TENM4: variants seen among roughly 807,000 people sequenced by gnomAD.
TENM4 encodes teneurin-4.
In TENM4, 82 loss-of-function variants were observed where a neutral mutation model predicts 243.3. That is an observed-to-expected ratio of 0.34 (90% CI 0.28 to 0.40). The LOEUF (loss-of-function observed/expected upper bound fraction) is 0.40, where lower values mean the gene tolerates loss of function less well. TENM4 is among the 10% of genes least tolerant of loss of function. TENM4 has a pLI of 1.00. For synonymous variants in TENM4, 1,412 were observed against 1,456.3 expected (o/e 0.97, Z 0.69); for missense variants, 3,138 against 3,673.3 (o/e 0.85, Z 3.77).
At chr11:78,937,425 T>C (rs1005352933) in intron 6 of TENM4, among the ~76,000 whole-genome samples, 1 of 152,206 alleles carries the variant, frequency 6.6e-6, no homozygotes, top group Non-Finnish European at 1.5e-5. Context: ...CTCTTCTGCT[T>C]AGACAATCAC....
intron 6 of TENM4, among the ~76,000 whole-genome samples, chr11:79,043,765 C>A (rs2572954): frequency 6.6e-6 from 1 of 152,054 alleles, no homozygotes; most frequent in Non-Finnish European, 1.5e-5. Flanking sequence ...ACATGAGATC[C>A]GGAGTCAAAA....
At chr11:79,381,266 T>C (rs1378817741) in intron 1 of TENM4, among the ~76,000 whole-genome samples, 1 of 146,692 alleles carries the variant, frequency 6.8e-6, no homozygotes, top group Non-Finnish European at 1.5e-5. Context: ...TCTAAACAAG[T>C]ACCCCCTCAG....
chr11:78,723,070 A>T (rs532921297), intron 23 of TENM4, among the ~76,000 whole-genome samples, 153 bp from the exon 24 acceptor site: 1 of 152,208 alleles, frequency 6.6e-6, no homozygotes, highest in African/African-American at 2.4e-5. Context: ...CACCCCCCCA[A>T]TGGAACCCAG....
intron 6 of TENM4, among the ~76,000 whole-genome samples, chr11:78,951,857 T>C (rs1357791714): frequency 6.6e-6 from 1 of 152,200 alleles, no homozygotes; most frequent in Non-Finnish European, 1.5e-5. Flanking sequence ...ATTCAGTCCA[T>C]AGGAGCCCTA....
intron 1 of TENM4, among the ~76,000 whole-genome samples, chr11:79,357,341 C>G (rs183982084): frequency 2.2e-4 from 34 of 152,350 alleles, no homozygotes; most frequent in Admixed American, 2.0e-3. Context: ...TGTCCTGAGG[C>G]CACTTTCATA....
chr11:79,310,528 G>C (rs726785), intron 1 of TENM4, among the ~76,000 whole-genome samples: 37,406 of 152,112 alleles, frequency 0.25, 4,777 homozygotes, highest in East Asian at 0.36. Context: ...ACCTATTTTA[G>C]AGGTGGCTGA....
chr11:78,669,629 T>C lies in TENM4; in HGVS notation c.6716A>G (p.Tyr2239Cys). 1 of 1,614,000 alleles carries C rather than the reference T, an allele frequency of 6.2e-7. No individual in the cohort carries two copies. The highest frequency in any genetic ancestry group is 8.5e-7 in the Non-Finnish European group (1 of 1,179,888). Residue 2239 changes from tyrosine to cysteine, a missense_variant, in exon 32 of 34, where the codon TAT becomes TGT. By Grantham distance (194) the Tyr-to-Cys change is radical. Around this residue, in one of 2 missense-constraint regions of TENM4, gnomAD observed 2,467 missense variants for 3,059.1 expected, o/e 0.81. Coordinates refer to ENST00000278550, the MANE Select transcript of TENM4 (RefSeq NM_001098816.3). The surrounding 1 kb of genome is among the most constrained non-coding windows in gnomAD (Gnocchi z 6.4). ...GNSARLTPLR[Y>C]DIRDRITRLG... ...CCGAGTGATGCGGTCGCGGATGTCA[T>C]ACCGTAGTGGTGTGAGCCGTGCACT... is the stretch of plus-strand genomic sequence containing the variant.
Position 78,669,148 on chromosome 11 carries a change from G to C in TENM4, c.7197C>G (p.Ile2399Met), listed in dbSNP as rs1465654923. 6 of 1,613,660 alleles carry C rather than the reference G, an allele frequency of 3.7e-6. No individual in the cohort carries two copies. The highest frequency in any genetic ancestry group is 2.7e-5 in the African/African-American group (2 of 74,892). ...CATAGAGGCCACCATGGTAGCCTATGATGATCTGAAAGTTGGGGTTGGTAT... is the reference window on the plus strand; with the variant it reads ...CATAGAGGCCACCATGGTAGCCTATCATGATCTGAAAGTTGGGGTTGGTAT... ...YMDTNPNFQIIIGYHGGLYDP... is the reference protein window; with the variant it reads ...YMDTNPNFQIMIGYHGGLYDP... Residue 2399 changes from isoleucine to methionine, a missense_variant, in exon 32 of 34, where the codon ATC becomes ATG. Coordinates refer to ENST00000278550, the MANE Select transcript of TENM4 (RefSeq NM_001098816.3). The surrounding 1 kb of genome is among the most constrained non-coding windows in gnomAD (Gnocchi z 6.4).
At chr11:79,191,299 G>A (rs1470668754) in intron 3 of TENM4, among the ~76,000 whole-genome samples, 1 of 141,354 alleles carries the variant, frequency 7.1e-6, no homozygotes, top group Non-Finnish European at 1.5e-5. Flanking sequence ...ACTGGTTTTC[G>A]TGTTTTTTTG....
chr11:78,995,091 C>G (rs574444912), intron 6 of TENM4, among the ~76,000 whole-genome samples: 3 of 152,258 alleles, frequency 2.0e-5, no homozygotes, highest in South Asian at 2.1e-4. Context: ...GGAAGTCTAG[C>G]CTCCTCTATG....
intron 16 of TENM4, among the ~76,000 whole-genome samples, chr11:78,780,546 A>G (rs1252883633): frequency 6.6e-6 from 1 of 151,982 alleles, no homozygotes; most frequent in Non-Finnish European, 1.5e-5. Flanking sequence ...CTGGGATCCA[A>G]GTGGTCATAG....
In TENM4 at chr11:79,111,461, T is replaced by C. The variant is rs959543521; in HGVS notation, c.-66+37249A>G. On this transcript the variant is annotated intron_variant, in intron 4 of 33. Transcript: ENST00000278550. ...TTGGGAGGCTGAGGCAGGAGAATGG[T>C]GTGAACCCGGGAGGTGGAGCTTGCA... is the stretch of plus-strand genomic sequence containing the variant. Among the ~76,000 whole-genome samples the C allele has an allele frequency of 3.5e-4, 53 of 151,934 alleles. 2 individuals carry two copies. Among genetic ancestry groups the C allele is most frequent in the Non-Finnish European group, 4.0e-4 (27 of 67,982 alleles).
chr11:79,358,811 G>T (rs553430659), intron 1 of TENM4, among the ~76,000 whole-genome samples: 1 of 149,844 alleles, frequency 6.7e-6, no homozygotes, highest in East Asian at 2.0e-4. Context: ...CCTCCTTCCT[G>T]CCATTCATTC....
At chr11:78,719,902 G>GT (rs1189705338) in intron 25 of TENM4, among the ~76,000 whole-genome samples, 1 of 152,168 alleles carries the variant, frequency 6.6e-6, no homozygotes, top group Admixed American at 6.5e-5. Flanking sequence ...AGCCTTTTGG[G>GT]TGGGGTTGCC....
chr11:79,235,020 G>C (rs1442685243), intron 2 of TENM4, among the ~76,000 whole-genome samples: 1 of 152,166 alleles, frequency 6.6e-6, no homozygotes, highest in African/African-American at 2.4e-5. Flanking sequence ...CCCATCAGAA[G>C]TCTCCCTGAC....
intron 2 of TENM4, among the ~76,000 whole-genome samples, chr11:79,290,260 G>A (rs1856331801): frequency 6.6e-6 from 1 of 152,222 alleles, no homozygotes. Context: ...GGTGTCAGTA[G>A]GAGGATGAAG....
intron 7 of TENM4, among the ~76,000 whole-genome samples, chr11:78,897,425 G>A (rs933383107): frequency 2.6e-5 from 4 of 152,150 alleles, no homozygotes; most frequent in Admixed American, 1.3e-4. Flanking sequence ...CAAACCTGGG[G>A]GTGGGGGCCT....
At chr11:79,002,468 C>A (rs569132901) in intron 6 of TENM4, among the ~76,000 whole-genome samples, 4 of 152,220 alleles carry the variant, frequency 2.6e-5, no homozygotes, top group African/African-American at 9.6e-5. Flanking sequence ...GGTTCCTAAC[C>A]TCTAGAACAA....
At chr11:79,332,661 C>A (rs1857080370) in intron 1 of TENM4, among the ~76,000 whole-genome samples, 1 of 152,092 alleles carries the variant, frequency 6.6e-6, no homozygotes, top group Non-Finnish European at 1.5e-5. Flanking sequence ...TTGTTGTTCC[C>A]CCACTTCTCA....
Sources: gnomAD v4.1 joint callset for allele counts (sites outside exome capture counted in the v4.1 genomes callset) on GRCh38, gnomAD v4.1.1 for gene constraint, gnomAD v4.1.1 regional missense constraint, Gnocchi (gnomAD v3.1) non-coding constraint, MANE v1.5 for transcripts, NCBI Gene and HGNC (gene_info 2026-07-23, HGNC 2026-07-21) for gene names.